Variants in RAB27A observed in about 807,000 individuals in gnomAD.
The protein encoded by RAB27A is ras-related protein Rab-27A.
RAB27A carries 17 observed loss-of-function variants against 20.8 expected under a neutral mutation model. The ratio of observed to expected loss-of-function variants is 0.82; its 90% CI spans 0.56 to 1.23. RAB27A has a LOEUF of 1.23. RAB27A is among the 50% of genes most tolerant of loss of function. The probability of loss-of-function intolerance (pLI) is 0.00; values close to 1 mark genes in which losing one functional copy is unlikely to be tolerated. For synonymous variants in RAB27A, 85 were observed against 92.8 expected (o/e 0.92, Z 0.48); for missense variants, 277 against 266.7 (o/e 1.04, Z -0.27).
chr15:55,230,857 A>C (rs1896004778), intron 3 of RAB27A, among the ~76,000 whole-genome samples: 1 of 152,092 alleles, frequency 6.6e-6, no homozygotes, highest in African/African-American at 2.4e-5. Context: ...GTACATGTGC[A>C]GGCTTGTTAC....
At chr15:55,290,881 C>T (rs1355104134), upstream of RAB27A, among the ~76,000 whole-genome samples, 3 of 152,250 alleles carry the variant, frequency 2.0e-5, no homozygotes, top group Non-Finnish European at 2.9e-5. Context: ...TTCCCTTCTG[C>T]CTTCTAAGCC....
At chr15:55,262,900 C>A (rs970370951) in intron 2 of RAB27A, among the ~76,000 whole-genome samples, 1 of 152,102 alleles carries the variant, frequency 6.6e-6, no homozygotes, top group East Asian at 1.9e-4. Flanking sequence ...TTAAGAATGA[C>A]ATTTGCTGTA....
At chr15:55,276,433 T>TG (rs1897876460) in intron 1 of RAB27A, among the ~76,000 whole-genome samples, 1 of 152,136 alleles carries the variant, frequency 6.6e-6, no homozygotes, top group African/African-American at 2.4e-5. Context: ...TCTCCAAGCA[T>TG]GGTGGCCACT....
intron 3 of RAB27A, 71 bp downstream of exon 3, chr15:55,234,711 A>AAGTAAACT: frequency 6.7e-7 from 1 of 1,503,224 alleles, no homozygotes; most frequent in South Asian, 1.1e-5. Flanking sequence ...AATTCCTACA[A>AAGTAAACT]AGTAAACTAA....
chr15:55,207,381 G>A (rs1052097606), intron 6 of RAB27A, among the ~76,000 whole-genome samples: 5 of 152,192 alleles, frequency 3.3e-5, no homozygotes, highest in African/African-American at 1.2e-4. Flanking sequence ...TCAGTCCTTA[G>A]GGCAACTGAG....
chr15:55,244,093 G>A (rs1245135295), intron 2 of RAB27A, among the ~76,000 whole-genome samples: 1 of 152,124 alleles, frequency 6.6e-6, no homozygotes, highest in East Asian at 1.9e-4. Context: ...TTGAGGTCAC[G>A]AGTTCGAGAC....
chr15:55,259,728 T>C (rs1180579900), intron 2 of RAB27A, among the ~76,000 whole-genome samples: 1 of 152,260 alleles, frequency 6.6e-6, no homozygotes, highest in Non-Finnish European at 1.5e-5. Flanking sequence ...CTTAAGTATA[T>C]ACAATCGTCA....
At chr15:55,222,386 T>C (rs1032233195) in intron 6 of RAB27A, among the ~76,000 whole-genome samples, 2 of 152,192 alleles carry the variant, frequency 1.3e-5, no homozygotes, top group Non-Finnish European at 2.9e-5. Context: ...CTTTTCCTTT[T>C]TCACAAAGCT....
At chr15:55,261,618 G>A (rs1029293942) in intron 2 of RAB27A, among the ~76,000 whole-genome samples, 8 of 139,368 alleles carry the variant, frequency 5.7e-5, no homozygotes, top group African/African-American at 1.9e-4. Context: ...GCGTGTGCCC[G>A]TAGTCCCAGC....
At chr15:55,225,849 A>G (rs1326245940) in intron 5 of RAB27A, among the ~76,000 whole-genome samples, 1 of 151,906 alleles carries the variant, frequency 6.6e-6, no homozygotes, top group Non-Finnish European at 1.5e-5. Context: ...TGTAATAAGG[A>G]CCCTATACAC....
At chr15:55,210,144 TGTG>T (rs1193671930) in intron 6 of RAB27A, among the ~76,000 whole-genome samples, 9 of 83,002 alleles carry the variant, frequency 1.1e-4, no homozygotes, top group African/African-American at 8.6e-4. Flanking sequence ...TATATATGTA[TGTG>T]TATGTATACA....
intron 1 of RAB27A, among the ~76,000 whole-genome samples, chr15:55,272,949 AACAG>A (rs1457357764): frequency 3.3e-5 from 5 of 152,320 alleles, no homozygotes; most frequent in African/African-American, 1.2e-4. Flanking sequence ...AGGGACTCAA[AACAG>A]ACAGAATGGT....
chr15:55,272,209 T>C (rs1897728470), intron 1 of RAB27A, among the ~76,000 whole-genome samples: 1 of 152,122 alleles, frequency 6.6e-6, no homozygotes, highest in African/African-American at 2.4e-5. Context: ...CCATCCTGGC[T>C]AACACGGTGA....
At chr15:55,244,237 C>T (rs1021993708) in intron 2 of RAB27A, among the ~76,000 whole-genome samples, 1 of 152,118 alleles carries the variant, frequency 6.6e-6, no homozygotes, top group African/African-American at 2.4e-5. Flanking sequence ...ATCACTTGAA[C>T]CTGGGAGGTG....
chr15:55,224,638 T>C (rs1895724605), intron 5 of RAB27A, among the ~76,000 whole-genome samples: 1 of 152,218 alleles, frequency 6.6e-6, no homozygotes, highest in Admixed American at 6.5e-5. Context: ...CCGCAGCTTT[T>C]ATTTCACCTG....
At chr15:55,258,652 A>T (rs149785667) in intron 2 of RAB27A, among the ~76,000 whole-genome samples, 9 of 152,340 alleles carry the variant, frequency 5.9e-5, no homozygotes, top group African/African-American at 2.2e-4. Context: ...TCCCAACTTC[A>T]TATCTTCACC....
chr15:55,246,486 G>C (rs891868350), intron 2 of RAB27A, among the ~76,000 whole-genome samples: 8 of 151,608 alleles, frequency 5.3e-5, no homozygotes, highest in African/African-American at 1.9e-4. Flanking sequence ...GTTGCCCAAG[G>C]CTCTTCCAGG....
chr15:55,298,115 G>A (rs992112621), intron 2 of RAB27A, among the ~76,000 whole-genome samples: 1 of 150,650 alleles, frequency 6.6e-6, no homozygotes, highest in African/African-American at 2.4e-5. Context: ...TGAGGCAGGA[G>A]AATGGTGTGA....
In RAB27A at chr15:55,230,440, C is replaced by T. The variant is rs762691442; in HGVS notation, c.200G>A (p.Arg67Lys). Residue 67 changes from arginine to lysine, a missense_variant, in exon 4 of 7, where the codon AGA becomes AAA. By Grantham distance (26) the Arg-to-Lys change is conservative (BLOSUM62 2). Transcript: ENST00000336787. Reference sequence around the variant, plus strand: ...TGTGTCCCATAACTGCAGGTGGATTCTCTGGCCTCTGCCAGTGGCTCCATC... The same window carrying T: ...TGTGTCCCATAACTGCAGGTGGATTTTCTGGCCTCTGCCAGTGGCTCCATC... ...GPDGATGRGQ[R>K]IHLQLWDTAG... The T allele has an allele frequency of 8.7e-6, 14 of 1,613,982 alleles. No homozygotes were observed. Among genetic ancestry groups the T allele is most frequent in the Non-Finnish European group, 1.1e-5 (13 of 1,179,884 alleles).
Sources: allele counts gnomAD v4.1 joint callset (sites outside exome capture counted in the v4.1 genomes callset), GRCh38; gene constraint gnomAD v4.1.1; transcripts MANE v1.5; gene names NCBI Gene and HGNC (gene_info 2026-07-23, HGNC 2026-07-21).